Variants in AKAP13 observed in about 807,000 individuals in gnomAD.
AKAP13 encodes the protein A-kinase anchoring protein 13.
AKAP13 carries 80 observed loss-of-function variants against 264.5 expected under a neutral mutation model. The ratio of observed to expected loss-of-function variants is 0.30; its 90% CI spans 0.25 to 0.36. The LOEUF is 0.36. Among genes scored for constraint, AKAP13 ranks in the 10% least tolerant of loss-of-function variants. The pLI is 1.00. For synonymous variants in AKAP13, 1,380 were observed against 1,250.2 expected (o/e 1.10, Z -2.19); for missense variants, 3,712 against 3,435.2 (o/e 1.08, Z -2.01).
At chr15:85,457,342 C>T (rs913631544) in intron 1 of AKAP13, among the ~76,000 whole-genome samples, 1 of 152,180 alleles carries the variant, frequency 6.6e-6, no homozygotes, top group Non-Finnish European at 1.5e-5. Flanking sequence ...AGGACACATT[C>T]TCTTTTAAGG....
intron 26 of AKAP13, 69 bp from the exon 27 acceptor site, chr15:85,726,341 C>T (rs1245485348): frequency 6.7e-6 from 9 of 1,344,142 alleles, no homozygotes; most frequent in Non-Finnish European, 9.5e-6. Context: ...CAATAAAAAA[C>T]CTTCTGACTG....
intron 2 of AKAP13, among the ~76,000 whole-genome samples, chr15:85,512,724 C>A (rs2076472207): frequency 6.6e-6 from 1 of 152,224 alleles, no homozygotes; most frequent in African/African-American, 2.4e-5. Flanking sequence ...CAGCCCCTCA[C>A]CTGCAGTAGG....
At position 85,532,531 on chromosome 15, in the gene AKAP13, A is replaced by G. The variant is rs1308314018; in HGVS notation, c.182-1053A>G. On this transcript the variant is annotated intron_variant, in intron 3 of 36. Transcript: ENST00000394518. ...ACAAAGTGGCGTTACCCAAACAAAAACATTAACTCTACTTTCTTTTCTGTC... is the reference window on the plus strand; with the variant it reads ...ACAAAGTGGCGTTACCCAAACAAAAGCATTAACTCTACTTTCTTTTCTGTC... Among the ~76,000 whole-genome samples the G allele has an allele frequency of 2.0e-5, 3 of 152,350 alleles. No individual in the cohort carries two copies. The East Asian group carries it at 5.8e-4, about 29-fold the overall frequency.
intron 14 of AKAP13, among the ~76,000 whole-genome samples, chr15:85,678,861 C>G (rs2084407924): frequency 6.6e-6 from 1 of 150,864 alleles, no homozygotes. Context: ...AGAGTGAGAT[C>G]ACTTCATCTC....
At position 85,471,474 on chromosome 15, in the gene AKAP13, G is replaced by A. The variant is rs955588491; in HGVS notation, c.-11-14236G>A. Among the ~76,000 whole-genome samples the A allele has an allele frequency of 5.9e-5, 9 of 152,172 alleles. No homozygotes were observed. The East Asian group carries it at 1.3e-3, about 23-fold the overall frequency. On this transcript the variant is annotated intron_variant, in intron 1 of 36. Transcript: ENST00000394518. ...GGTGCCACTACACTCCAGCCTGGGC[G>A]ACAGAGTGAGACTCCGTCTCAAAAA...
chr15:85,635,954 G>C (rs534748818), intron 8 of AKAP13, among the ~76,000 whole-genome samples: 1 of 152,020 alleles, frequency 6.6e-6, no homozygotes, highest in Non-Finnish European at 1.5e-5. Context: ...ATATCACCCC[G>C]GTTTGGTTAG....
intron 1 of AKAP13, among the ~76,000 whole-genome samples, chr15:85,452,209 A>G (rs1233740996): frequency 2.3e-5 from 3 of 127,854 alleles, no homozygotes; most frequent in East Asian, 2.1e-4. Flanking sequence ...GCTCTGTCAG[A>G]TCCCTTAGGG....
intron 6 of AKAP13, among the ~76,000 whole-genome samples, chr15:85,575,906 A>C (rs1041382617): frequency 1.3e-5 from 2 of 152,206 alleles, no homozygotes; most frequent in Non-Finnish European, 2.9e-5. Flanking sequence ...AGATCATGTG[A>C]GCCTGGGAGG....
chr15:85,665,087 C>G (rs1015508147), intron 13 of AKAP13, among the ~76,000 whole-genome samples: 1 of 152,058 alleles, frequency 6.6e-6, no homozygotes, highest in Non-Finnish European at 1.5e-5. Flanking sequence ...CTTGTAGTTC[C>G]AGCTACTCGG....
chr15:85,404,921 G>A (rs553405226), intron 1 of AKAP13, among the ~76,000 whole-genome samples: 49 of 152,248 alleles, frequency 3.2e-4, no homozygotes, highest in African/African-American at 1.2e-3. Context: ...TATTATCATT[G>A]TGTGTGTTCA....
rs12903435 is a variant in AKAP13 at position 85,530,740 on chromosome 15, G to A, written c.182-2844G>A. On this transcript the variant is annotated intron_variant, in intron 3 of 36. Coordinates refer to ENST00000394518, the MANE Select transcript of AKAP13 (RefSeq NM_007200.5). ...ACCACAGCATTTCTTCTTTAAAGCA[G>A]TTCTCCTGACTGACATACGTATCAC... Among the ~76,000 whole-genome samples, 1,096 of 152,248 alleles carry A rather than the reference G, an allele frequency of 7.2e-3. 11 individuals are homozygous for A. Among genetic ancestry groups the A allele is most frequent in the Middle Eastern group, 0.02 (6 of 294 alleles).
chr15:85,743,910 T>C lies in AKAP13; in HGVS notation c.8392+85T>C, dbSNP rs192489975. 3 of 1,452,784 alleles carry C rather than the reference T, an allele frequency of 2.1e-6. No individual in the cohort carries two copies. In the East Asian group the frequency reaches 7.1e-5, roughly 34 times the overall value. The allele number at this position is 1,452,784 out of a possible 1,614,324, so 90.0% of individuals were successfully genotyped here. On this transcript the variant is annotated intron_variant, in intron 36 of 36. Coordinates refer to ENST00000394518, the MANE Select transcript of AKAP13 (RefSeq NM_007200.5). ...TAGATTTTAGTGGCATGGGGCGGGG[T>C]TGAAAAGGGGACAGTTCAGATGCTC...
chr15:85,533,445 A>G lies in AKAP13; in HGVS notation c.182-139A>G, dbSNP rs914657775. 7.7e-6 allele frequency: 5 copies of G among 653,398 alleles called. No homozygotes were observed. The South Asian group carries it at 1.8e-4, about 23-fold the overall frequency. The allele number at this position is 653,398 out of a possible 1,614,324, so 40.5% of individuals were successfully genotyped here. A position where few individuals can be genotyped will look rare whatever the true frequency, so the allele number is the denominator to read the frequency against. ...TTAAGAAGTTTGGAAAAATGCTGTC[A>G]GAGCTCAAGAGGAAGGAGGGGGTGT... On this transcript the variant is annotated intron_variant, in intron 3 of 36. Coordinates refer to ENST00000394518, the MANE Select transcript of AKAP13 (RefSeq NM_007200.5).
At chr15:85,452,827 A>G (rs1252883213) in intron 1 of AKAP13, among the ~76,000 whole-genome samples, 2 of 152,166 alleles carry the variant, frequency 1.3e-5, no homozygotes, top group African/African-American at 2.4e-5. Context: ...GCTGTAGTTC[A>G]TGACATCCAG....
intron 16 of AKAP13, among the ~76,000 whole-genome samples, chr15:85,689,443 G>T (rs2085140833): frequency 6.6e-6 from 1 of 152,168 alleles, no homozygotes; most frequent in African/African-American, 2.4e-5. Context: ...TTTTGGAAAA[G>T]TGAAGAATCA....
chr15:85,391,932 G>A (rs1489424315), intron 1 of AKAP13, among the ~76,000 whole-genome samples: 1 of 151,800 alleles, frequency 6.6e-6, no homozygotes, highest in Admixed American at 6.6e-5. Context: ...CTGTAGGCAT[G>A]TGCCACCATA....
Position 85,612,974 on chromosome 15 carries a change from A to T in AKAP13, c.4162-26400A>T, listed in dbSNP as rs945547107. On this transcript the variant is annotated intron_variant, in intron 8 of 36. Transcript: ENST00000394518. ...TTCATGAAATTGGTAAGATTTCTAC[A>T]TGTGAGAAGAAGTTCTTGTGTCATT... 1.2e-4 allele frequency among the ~76,000 whole-genome samples: 18 copies of T among 152,368 alleles called. 1 individual carries two copies. In the South Asian group the frequency reaches 1.9e-3, roughly 16 times the overall value.
chr15:85,565,682 T>C (rs1007716577), intron 5 of AKAP13, among the ~76,000 whole-genome samples: 7 of 152,222 alleles, frequency 4.6e-5, no homozygotes, highest in African/African-American at 7.2e-5. Context: ...AAAGAAATTC[T>C]GTGCTAGAAT....
intron 1 of AKAP13, among the ~76,000 whole-genome samples, chr15:85,406,395 AGTTTTTTTTTTT>A (rs1248769559): frequency 5.0e-5 from 3 of 60,534 alleles, no homozygotes; most frequent in African/African-American, 2.1e-4. Flanking sequence ...ACTAGAAAAT[AGTTTTTTTTTTT>A]GTTTTTTTTT....
Sources: allele counts gnomAD v4.1 joint callset (sites outside exome capture counted in the v4.1 genomes callset), GRCh38; gene constraint gnomAD v4.1.1; transcripts MANE v1.5; gene names NCBI Gene and HGNC (gene_info 2026-07-23, HGNC 2026-07-21).